Variants in ANKS1B observed in about 807,000 individuals in gnomAD.
The protein encoded by ANKS1B is ankyrin repeat and sterile alpha motif domain-containing protein 1B.
In ANKS1B, 36 loss-of-function variants were observed where a neutral mutation model predicts 148.3. The ratio of observed to expected loss-of-function variants is 0.24; its 90% confidence interval spans 0.19 to 0.32. The LOEUF (loss-of-function observed/expected upper bound fraction) is 0.32, where lower values mean the gene tolerates loss of function less well. ANKS1B is among the 10% of genes least tolerant of loss of function. The probability of loss-of-function intolerance (pLI) is 1.00; values close to 1 mark genes in which losing one functional copy is unlikely to be tolerated. For missense variants in ANKS1B, 1,157 were observed against 1,542.6 expected (o/e 0.75, Z 4.19); for synonymous variants, 542 against 560.8 (o/e 0.97, Z 0.47).
Position 99,186,633 on chromosome 12 carries a change from C to T in ANKS1B, c.2420-32238G>A, listed in dbSNP as rs1601515290. On this transcript the variant is annotated intron_variant, in intron 14 of 26. Transcript: ENST00000683438. ...TGGACCTCCAGCAAACTCCAGTAGA[C>T]CTGCAGCAGAGGGGCCTGACTGTTA... Among the ~76,000 whole-genome samples, 3 of 152,260 alleles carry T rather than the reference C, an allele frequency of 2.0e-5. No individual in the cohort carries two copies. In the South Asian group the frequency reaches 6.2e-4, roughly 32 times the overall value.
chr12:99,873,996 ATAAATC>A (rs2091819580), intron 1 of ANKS1B, among the ~76,000 whole-genome samples: 1 of 145,354 alleles, frequency 6.9e-6, no homozygotes, highest in African/African-American at 2.8e-5. Flanking sequence ...CTTAAAATAA[ATAAATC>A]TCTCTCTCTC....
intron 15 of ANKS1B, among the ~76,000 whole-genome samples, chr12:99,138,148 C>T (rs2153786421): frequency 6.6e-6 from 1 of 152,170 alleles, no homozygotes; most frequent in Admixed American, 6.5e-5. Flanking sequence ...TGTTTGAATT[C>T]TTGGAACATT....
intron 12 of ANKS1B, among the ~76,000 whole-genome samples, chr12:99,342,832 C>A (rs1377684448): frequency 6.7e-6 from 1 of 149,248 alleles, no homozygotes; most frequent in Non-Finnish European, 1.5e-5. Context: ...AGTTTTTTCT[C>A]TTCTTCTTTA....
chr12:99,204,683 C>T (rs531310129), intron 14 of ANKS1B, among the ~76,000 whole-genome samples: 1 of 152,274 alleles, frequency 6.6e-6, no homozygotes, highest in Non-Finnish European at 1.5e-5. Flanking sequence ...GACGATTCCC[C>T]CCTAAAACCT....
chr12:99,884,614 A>G (rs1449264114), intron 1 of ANKS1B, among the ~76,000 whole-genome samples: 1 of 152,222 alleles, frequency 6.6e-6, no homozygotes, highest in African/African-American at 2.4e-5. Context: ...TCACAAATGC[A>G]CTATGTAAAG....
At chr12:99,366,856 A>G (rs2092797277) in intron 12 of ANKS1B, among the ~76,000 whole-genome samples, 1 of 152,090 alleles carries the variant, frequency 6.6e-6, no homozygotes, top group African/African-American at 2.4e-5. Flanking sequence ...TAAAAAAAAG[A>G]AATGGCCAAA....
chr12:99,092,469 T>C (rs1200227827), intron 15 of ANKS1B, among the ~76,000 whole-genome samples: 2 of 62,566 alleles, frequency 3.2e-5, no homozygotes, highest in Non-Finnish European at 5.6e-5. Context: ...GCTGTGAAGC[T>C]GAAAAAAAAA....
chr12:99,661,496 A>G (rs1048121566), intron 8 of ANKS1B, among the ~76,000 whole-genome samples: 1 of 152,134 alleles, frequency 6.6e-6, no homozygotes, highest in African/African-American at 2.4e-5. Context: ...TTGTTATTGG[A>G]CCATGAGAAT....
intron 9 of ANKS1B, among the ~76,000 whole-genome samples, chr12:99,540,272 C>T (rs1368831076): frequency 1.3e-5 from 2 of 152,118 alleles, no homozygotes; most frequent in South Asian, 2.1e-4. Flanking sequence ...GAACATCAAC[C>T]AGCAAACAGA....
chr12:98,808,500 G>A (rs1408241611), intron 19 of ANKS1B, among the ~76,000 whole-genome samples: 2 of 152,166 alleles, frequency 1.3e-5, no homozygotes, highest in African/African-American at 2.4e-5. Context: ...GAGTGAAGGA[G>A]GTGGCAGGAA....
Position 98,832,143 on chromosome 12 carries a change from C to T in ANKS1B, c.2779-7G>A, listed in dbSNP as rs541975940. On this transcript the variant is annotated splice_region_variant and splice_polypyrimidine_tract_variant and intron_variant, in intron 17 of 26. Transcript: ENST00000683438. ...TCAAATTGATTTTTAAAACCTGAAA[C>T]AACATATATTTGGGTTAAATATTTC... 7.1e-6 allele frequency: 11 copies of T among 1,554,354 alleles called. No individual in the cohort carries two copies. The African/African-American group carries it at 1.5e-4, about 21-fold the overall frequency.
intron 12 of ANKS1B, among the ~76,000 whole-genome samples, chr12:99,325,742 T>C (rs1457120770): frequency 6.6e-6 from 1 of 152,090 alleles, no homozygotes; most frequent in African/African-American, 2.4e-5. Flanking sequence ...AGATGGAGCA[T>C]GGTTTTATCA....
intron 8 of ANKS1B, among the ~76,000 whole-genome samples, chr12:99,666,890 GT>G (rs1567601416): frequency 1.6e-4 from 23 of 146,046 alleles, no homozygotes; most frequent in African/African-American, 2.5e-4. Context: ...GTGTGTGTGT[GT>G]GTGTGGTGAG....
At chr12:99,464,280 A>C (rs1397838973) in intron 10 of ANKS1B, among the ~76,000 whole-genome samples, 3 of 152,126 alleles carry the variant, frequency 2.0e-5, no homozygotes, top group Non-Finnish European at 4.4e-5. Flanking sequence ...TCCACACCAA[A>C]AACCCATCTG....
chr12:99,854,173 A>C (rs988598110), intron 1 of ANKS1B, among the ~76,000 whole-genome samples: 12 of 152,082 alleles, frequency 7.9e-5, no homozygotes, highest in African/African-American at 2.9e-4. Flanking sequence ...CACCGCGCCC[A>C]GCTAATTTTT....
At chr12:99,321,564 T>A (rs976814619) in intron 12 of ANKS1B, among the ~76,000 whole-genome samples, 4 of 152,200 alleles carry the variant, frequency 2.6e-5, no homozygotes, top group African/African-American at 9.6e-5. Flanking sequence ...ATGCGCAGTA[T>A]TAGGGTGGGA....
chr12:99,016,757 A>G (rs1598487254), intron 17 of ANKS1B, among the ~76,000 whole-genome samples: 2 of 152,354 alleles, frequency 1.3e-5, no homozygotes, highest in Non-Finnish European at 2.9e-5. Flanking sequence ...TTTTATCTCA[A>G]ATAAGGGAAA....
chr12:98,748,390 G>C (rs1299189855), intron 26 of ANKS1B, among the ~76,000 whole-genome samples: 1 of 152,118 alleles, frequency 6.6e-6, no homozygotes, highest in Non-Finnish European at 1.5e-5. Flanking sequence ...ACACTCCTGG[G>C]GCGGGGCCGG....
intron 12 of ANKS1B, among the ~76,000 whole-genome samples, chr12:99,262,366 C>T (rs979652759): frequency 1.3e-4 from 20 of 152,002 alleles, no homozygotes; most frequent in Non-Finnish European, 2.6e-4. Context: ...AATAAACATT[C>T]TTTGACTGAT....
Sources: gnomAD v4.1 joint callset for allele counts (sites outside exome capture counted in the v4.1 genomes callset) on GRCh38, gnomAD v4.1.1 for gene constraint, MANE v1.5 for transcripts, NCBI Gene and HGNC (gene_info 2026-07-23, HGNC 2026-07-21) for gene names.